The following DIAPH2 variants were observed in gnomAD, a reference collection of about 807,000 sequenced individuals.
DIAPH2 encodes protein diaphanous homolog 2.
DIAPH2 carries 35 observed loss-of-function variants against 92.7 expected under a neutral mutation model. That is an observed-to-expected ratio of 0.38 (90% CI 0.29 to 0.50). The LOEUF is 0.50. DIAPH2 is among the 20% of genes least tolerant of loss of function. The pLI is 0.94. For missense variants in DIAPH2, 701 were observed against 819.5 expected (o/e 0.86, Z 1.77); for synonymous variants, 301 against 280.4 (o/e 1.07, Z -0.73).
intron 23 of DIAPH2, among the ~76,000 whole-genome samples, chrX:97,272,141 G>A (rs1486174842): frequency 9.0e-6 from 1 of 110,559 alleles, no homozygotes; most frequent in East Asian, 2.8e-4. Context: ...TGGGACTACA[G>A]GCATGCACCA....
At chrX:96,792,227 A>T (rs2064507160) in intron 4 of DIAPH2, among the ~76,000 whole-genome samples, 1 of 112,053 alleles carries the variant, frequency 8.9e-6, no homozygotes, top group Non-Finnish European at 1.9e-5. Flanking sequence ...GGTTTTGTAC[A>T]GTTATACTTC....
chrX:96,761,459 A>G (rs2064268277), intron 4 of DIAPH2, among the ~76,000 whole-genome samples: 1 of 109,677 alleles, frequency 9.1e-6, no homozygotes, highest in African/African-American at 3.3e-5. Context: ...GTATATCTAT[A>G]TGTGTATGTG....
intron 19 of DIAPH2, among the ~76,000 whole-genome samples, chrX:97,092,108 T>C (rs753782342): frequency 8.0e-5 from 9 of 112,383 alleles, no homozygotes; most frequent in Non-Finnish European, 1.5e-4. Context: ...GTTCCTACGA[T>C]AGTCTTGGAC....
intron 24 of DIAPH2, among the ~76,000 whole-genome samples, chrX:97,357,579 T>A (rs1044573187): frequency 1.8e-5 from 2 of 110,670 alleles, no homozygotes; most frequent in Non-Finnish European, 3.8e-5. Context: ...TACCTCCATC[T>A]TAGCACATTT....
intron 4 of DIAPH2, among the ~76,000 whole-genome samples, chrX:96,800,815 G>T (rs1019143208): frequency 8.9e-6 from 1 of 112,071 alleles, no homozygotes; most frequent in African/African-American, 3.2e-5. Context: ...TCCTATTAGA[G>T]ATCTGTCATG....
At chrX:97,365,045 G>A (rs1021751225) in intron 24 of DIAPH2, among the ~76,000 whole-genome samples, 1 of 110,650 alleles carries the variant, frequency 9.0e-6, no homozygotes, top group Non-Finnish European at 1.9e-5. Flanking sequence ...TTGGCTGATG[G>A]TACAACTTGA....
At chrX:97,014,501 A>G (rs2066247625) in intron 17 of DIAPH2, among the ~76,000 whole-genome samples, 1 of 111,897 alleles carries the variant, frequency 8.9e-6, no homozygotes, top group African/African-American at 3.3e-5. Context: ...TAATGTTTTT[A>G]TCTGTTTTTC....
At chrX:96,709,593 T>C (rs1007523480) in intron 1 of DIAPH2, among the ~76,000 whole-genome samples, 1 of 112,138 alleles carries the variant, frequency 8.9e-6, no homozygotes, top group East Asian at 2.8e-4. Flanking sequence ...AAAATATTGA[T>C]AAATGTGTAT....
chrX:96,837,433 CTGTGTGTG>C (rs1168572857), intron 4 of DIAPH2, among the ~76,000 whole-genome samples: 2 of 41,345 alleles, frequency 4.8e-5, no homozygotes, highest in Non-Finnish European at 7.7e-5. Flanking sequence ...CTCTCTCTCT[CTGTGTGTG>C]TGTGTGTGTG....
chrX:96,901,548 T>G (rs1293309613), intron 5 of DIAPH2, among the ~76,000 whole-genome samples: 1 of 76,953 alleles, frequency 1.3e-5, no homozygotes, highest in Non-Finnish European at 2.5e-5. Flanking sequence ...TTTTTTTTTT[T>G]TTTTTTTTTT....
At chrX:97,356,361 G>A (rs1002697742) in intron 24 of DIAPH2, among the ~76,000 whole-genome samples, 2 of 111,130 alleles carry the variant, frequency 1.8e-5, no homozygotes, top group Non-Finnish European at 3.8e-5. Flanking sequence ...GAGCCCTAAG[G>A]GCCCACCAAC....
chrX:97,239,273 G>A (rs2147537256), intron 22 of DIAPH2, among the ~76,000 whole-genome samples: 1 of 111,391 alleles, frequency 9.0e-6, no homozygotes, highest in Admixed American at 9.6e-5. Flanking sequence ...TTTACCTTAG[G>A]ATTATGTATT....
chrX:97,482,338 G>A (rs1367756025), intron 26 of DIAPH2, among the ~76,000 whole-genome samples: 2 of 112,549 alleles, frequency 1.8e-5, no homozygotes, highest in African/African-American at 6.5e-5. Context: ...ACTGGAGCAG[G>A]CAAGAATTTT....
At chrX:97,366,685 A>G (rs1389547004) in intron 24 of DIAPH2, among the ~76,000 whole-genome samples, 1 of 111,635 alleles carries the variant, frequency 9.0e-6, no homozygotes, top group Non-Finnish European at 1.9e-5. Context: ...TTCTTCAAAC[A>G]TACCTTCAAA....
At chrX:97,289,850 G>A (rs368537957) in intron 23 of DIAPH2, among the ~76,000 whole-genome samples, 4 of 109,322 alleles carry the variant, frequency 3.7e-5, no homozygotes, top group Non-Finnish European at 5.7e-5. Context: ...TCAGCCTCCC[G>A]AGTAGCTGGG....
chrX:96,687,191 G>T (rs1210971180), intron 1 of DIAPH2, among the ~76,000 whole-genome samples: 1 of 111,999 alleles, frequency 8.9e-6, no homozygotes, highest in East Asian at 2.8e-4. Flanking sequence ...TCCACTCTAA[G>T]TTACTGAGTA....
At chrX:97,599,114 A>G in intron 26 of DIAPH2, 139 bp from the exon 27 acceptor site, 1 of 352,868 alleles carries the variant, frequency 2.8e-6, no homozygotes, top group Non-Finnish European at 5.0e-6. Context: ...CTCAGATCTG[A>G]GTTCCTTGTT....
At chrX:97,150,154 A>G (rs1464344470) in intron 22 of DIAPH2, among the ~76,000 whole-genome samples, 1 of 111,922 alleles carries the variant, frequency 8.9e-6, no homozygotes, top group Non-Finnish European at 1.9e-5. Context: ...AAGGAAGATA[A>G]GCTCAGGAAA....
intron 22 of DIAPH2, among the ~76,000 whole-genome samples, chrX:97,223,297 C>T (rs894790429): frequency 5.6e-4 from 62 of 111,396 alleles, no homozygotes; most frequent in Admixed American, 6.7e-4. Flanking sequence ...ACCTAAGTAT[C>T]CTATCACTAT....
Sources: gnomAD v4.1 joint callset for allele counts (sites outside exome capture counted in the v4.1 genomes callset) on GRCh38, gnomAD v4.1.1 for gene constraint, MANE v1.5 for transcripts, NCBI Gene and HGNC (gene_info 2026-07-23, HGNC 2026-07-21) for gene names.